The following PHF14 variants were observed in gnomAD, a reference collection of about 807,000 sequenced individuals.
PHF14 encodes PHD finger protein 14.
In PHF14, 55 loss-of-function variants were observed where a neutral mutation model predicts 117.9. The ratio of observed to expected loss-of-function variants is 0.47; its 90% CI spans 0.38 to 0.58. The LOEUF (loss-of-function observed/expected upper bound fraction) is 0.58, where lower values mean the gene tolerates loss of function less well. Among genes scored for constraint, PHF14 ranks in the 20% least tolerant of loss-of-function variants. PHF14 has a pLI of 0.00. For missense variants in PHF14, 978 were observed against 1,122.2 expected (o/e 0.87, Z 1.84); for synonymous variants, 409 against 368.6 (o/e 1.11, Z -1.26).
intron 17 of PHF14, among the ~76,000 whole-genome samples, chr7:11,140,680 T>G (rs1476926170): frequency 6.6e-6 from 1 of 152,124 alleles, no homozygotes; most frequent in East Asian, 1.9e-4. Flanking sequence ...AGACTACCAT[T>G]TCAAGCAAGG....
intron 4 of PHF14, among the ~76,000 whole-genome samples, chr7:11,007,713 G>T (rs1037431784): frequency 6.6e-6 from 1 of 152,036 alleles, no homozygotes; most frequent in East Asian, 1.9e-4. Flanking sequence ...AGAACAGAGA[G>T]AAGAAAAAAA....
At chr7:11,029,787 T>C (rs1199552264) in intron 7 of PHF14, among the ~76,000 whole-genome samples, 1 of 152,120 alleles carries the variant, frequency 6.6e-6, no homozygotes, top group East Asian at 1.9e-4. Context: ...GTAATGAATG[T>C]TTATTTAGTA....
chr7:10,992,407 A>G (rs2128310784), intron 4 of PHF14, among the ~76,000 whole-genome samples: 1 of 150,812 alleles, frequency 6.6e-6, no homozygotes, highest in South Asian at 2.1e-4. Context: ...TCACGCCTGT[A>G]ATCCCAGCAC....
At chr7:11,071,564 T>A (rs1053505132) in intron 16 of PHF14, among the ~76,000 whole-genome samples, 1 of 152,226 alleles carries the variant, frequency 6.6e-6, no homozygotes, top group Non-Finnish European at 1.5e-5. Flanking sequence ...ATTATAAGTA[T>A]AGAGCTTAAT....
chr7:11,105,620 C>T, intron 16 of PHF14: 2 of 984,624 alleles, frequency 2.0e-6, no homozygotes, highest in Non-Finnish European at 2.4e-6. Flanking sequence ...TTTTTTCTAC[C>T]TGTCTGAATC....
chr7:10,983,632 T>G (rs1782120722), intron 3 of PHF14, among the ~76,000 whole-genome samples: 1 of 152,206 alleles, frequency 6.6e-6, no homozygotes, highest in South Asian at 2.1e-4. Flanking sequence ...GAGATTCGTT[T>G]TAAATATTAA....
At chr7:11,166,069 A>C (rs1166792374) in intron 17 of PHF14, among the ~76,000 whole-genome samples, 1 of 152,188 alleles carries the variant, frequency 6.6e-6, no homozygotes, top group Non-Finnish European at 1.5e-5. Flanking sequence ...ACATTCTTGA[A>C]ATTTCACATA....
chr7:11,053,922 G>A (rs1784929711), intron 14 of PHF14, among the ~76,000 whole-genome samples: 1 of 151,532 alleles, frequency 6.6e-6, no homozygotes, highest in Non-Finnish European at 1.5e-5. Flanking sequence ...TACAGATTTT[G>A]GTCAGTGAAA....
At chr7:11,016,599 G>C (rs904396195) in intron 5 of PHF14, among the ~76,000 whole-genome samples, 1 of 151,774 alleles carries the variant, frequency 6.6e-6, no homozygotes, top group African/African-American at 2.4e-5. Flanking sequence ...TTTATTTATA[G>C]TTTTACTATT....
chr7:11,015,421 A>T (rs1404651940), intron 5 of PHF14, among the ~76,000 whole-genome samples: 2 of 152,124 alleles, frequency 1.3e-5, no homozygotes, highest in Non-Finnish European at 2.9e-5. Context: ...ATATATAACA[A>T]ATGATTTGAT....
intron 17 of PHF14, among the ~76,000 whole-genome samples, chr7:11,147,085 A>G (rs1788568546): frequency 6.6e-6 from 1 of 152,046 alleles, no homozygotes; most frequent in Non-Finnish European, 1.5e-5. Context: ...TGAGCTCAAG[A>G]GATCTGCCCA....
chr7:11,019,375 G>T (rs572462568), intron 5 of PHF14, among the ~76,000 whole-genome samples: 18 of 152,158 alleles, frequency 1.2e-4, no homozygotes, highest in African/African-American at 3.9e-4. Context: ...GCAGTCCCAG[G>T]CTTTTCTTTA....
At chr7:11,034,076 T>G (rs1377988300) in intron 7 of PHF14, among the ~76,000 whole-genome samples, 1 of 152,162 alleles carries the variant, frequency 6.6e-6, no homozygotes, top group Non-Finnish European at 1.5e-5. Flanking sequence ...TGATACACAT[T>G]GCTGTACTGT....
intron 5 of PHF14, among the ~76,000 whole-genome samples, chr7:11,015,486 G>A (rs568919403): frequency 2.6e-5 from 4 of 152,236 alleles, no homozygotes; most frequent in Admixed American, 1.3e-4. Flanking sequence ...CTCTAAGTTG[G>A]GCCTGAGAGT....
intron 7 of PHF14, among the ~76,000 whole-genome samples, chr7:11,035,173 T>A (rs2128322008): frequency 6.6e-6 from 1 of 152,156 alleles, no homozygotes; most frequent in African/African-American, 2.4e-5. Context: ...AACAACTATT[T>A]GCACATTTAC....
At chr7:11,050,493 G>C (rs1007808544) in intron 13 of PHF14, among the ~76,000 whole-genome samples, 1 of 152,046 alleles carries the variant, frequency 6.6e-6, no homozygotes, top group Admixed American at 6.6e-5. Flanking sequence ...TCCAGCAGTT[G>C]TTGTTTAGAT....
chr7:11,148,165 C>A (rs1301185644), intron 17 of PHF14, among the ~76,000 whole-genome samples: 5 of 152,266 alleles, frequency 3.3e-5, no homozygotes, highest in Non-Finnish European at 7.4e-5. Flanking sequence ...TATTTGTGTT[C>A]TTTCCTAATT....
intron 12 of PHF14, among the ~76,000 whole-genome samples, chr7:11,041,917 A>G (rs985868510): frequency 3.3e-5 from 5 of 151,488 alleles, no homozygotes; most frequent in African/African-American, 9.7e-5. Context: ...AAACCTAACC[A>G]TCATTGCTTT....
At chr7:10,993,519 T>C (rs1363907037) in intron 4 of PHF14, among the ~76,000 whole-genome samples, 3 of 152,192 alleles carry the variant, frequency 2.0e-5, no homozygotes, top group African/African-American at 7.2e-5. Context: ...TTCTGTAAAT[T>C]TTAGGCATAT....
Sources: allele counts gnomAD v4.1 joint callset (sites outside exome capture counted in the v4.1 genomes callset), GRCh38; gene constraint gnomAD v4.1.1; transcripts MANE v1.5; gene names NCBI Gene and HGNC (gene_info 2026-07-23, HGNC 2026-07-21).